TCF20: variants seen among roughly 807,000 people sequenced by gnomAD.
TCF20 encodes the protein SPRE-binding protein.
Under a neutral mutation model 148.6 loss-of-function variants are expected in TCF20, and 3 were observed. The observed-to-expected ratio is 0.02, with a 90% CI of 0.01 to 0.05. The LOEUF (loss-of-function observed/expected upper bound fraction) is 0.05, where lower values mean the gene tolerates loss of function less well. TCF20 is among the 10% of genes least tolerant of loss of function. The probability of loss-of-function intolerance (pLI) is 1.00; values close to 1 mark genes in which losing one functional copy is unlikely to be tolerated. For synonymous variants in TCF20, 1,049 were observed against 909.5 expected, an observed-to-expected ratio of 1.15 and a Z score of -2.76; for missense variants, 2,350 against 2,429.3, an observed-to-expected ratio of 0.97 and a Z score of 0.69.
intron 2 of TCF20, among the ~76,000 whole-genome samples, chr22:42,201,091 C>T (rs1301899430): frequency 2.0e-5 from 3 of 152,156 alleles, no homozygotes; most frequent in Non-Finnish European, 4.4e-5. Flanking sequence ...GTGTGCAACA[C>T]CTCGCACCTC....
At chr22:42,267,762 T>C (rs558061904) in intron 1 of TCF20, among the ~76,000 whole-genome samples, 1 of 152,180 alleles carries the variant, frequency 6.6e-6, no homozygotes, top group South Asian at 2.1e-4. Context: ...ACAAGAAAAT[T>C]ACTACCAAAC....
chr22:42,320,965 C>T (rs1927721526), intron 1 of TCF20, among the ~76,000 whole-genome samples: 1 of 152,196 alleles, frequency 6.6e-6, no homozygotes, highest in Non-Finnish European at 1.5e-5. Flanking sequence ...ACTCCACCAC[C>T]GCCCAGTAAT....
chr22:42,224,456 ACT>A (rs1044404369), intron 1 of TCF20, among the ~76,000 whole-genome samples: 5 of 146,794 alleles, frequency 3.4e-5, no homozygotes, highest in Non-Finnish European at 7.4e-5. Context: ...AACAAGCGAG[ACT>A]CTGTCTCAAA....
intron 1 of TCF20, among the ~76,000 whole-genome samples, chr22:42,219,626 C>A (rs1480443110): frequency 2.0e-5 from 3 of 151,786 alleles, no homozygotes; most frequent in African/African-American, 7.3e-5. Flanking sequence ...GAGGTCAAGG[C>A]GGGCAGATCA....
intron 2 of TCF20, among the ~76,000 whole-genome samples, chr22:42,201,054 G>T (rs776573126): frequency 6.6e-6 from 1 of 152,200 alleles, no homozygotes; most frequent in Non-Finnish European, 1.5e-5. Context: ...GTGATACTGA[G>T]TTCTCACAAG....
At chr22:42,187,567 C>T (rs908459893) in intron 2 of TCF20, among the ~76,000 whole-genome samples, 5 of 152,114 alleles carry the variant, frequency 3.3e-5, no homozygotes, top group African/African-American at 4.8e-5. Context: ...GCCGTTTTGG[C>T]GGCATCTAAC....
At chr22:42,225,923 T>C (rs1983483385) in intron 1 of TCF20, among the ~76,000 whole-genome samples, 1 of 152,170 alleles carries the variant, frequency 6.6e-6, no homozygotes, top group South Asian at 2.1e-4. Context: ...GTCAGCTGAA[T>C]TCCAACCCAC....
At chr22:42,288,715 C>CAAAAAAAAAAA (rs60058670), upstream of TCF20, among the ~76,000 whole-genome samples, 12 of 85,304 alleles carry the variant, frequency 1.4e-4, no homozygotes, top group African/African-American at 6.0e-4. Flanking sequence ...GACCCTGTAT[C>CAAAAAAAAAAA]AAAAAAAAAA....
At position 42,306,090 on chromosome 22, in the gene TCF20, C is replaced by T. The variant is rs140960454; in HGVS notation, c.-37+37389G>A. On this transcript the variant is annotated intron_variant, in intron 1 of 1. Transcript: ENST00000515426. Reference sequence around the variant, plus strand: ...ACCTCCTGCCTCTGCGAGGGGGCACCGCAGGCAGCGTGGACTGAGTGGCTG... The same window carrying T: ...ACCTCCTGCCTCTGCGAGGGGGCACTGCAGGCAGCGTGGACTGAGTGGCTG... 8.4e-3 allele frequency among the ~76,000 whole-genome samples: 1,283 copies of T among 152,350 alleles called. 10 individuals carry two copies. Among genetic ancestry groups the T allele is most frequent in the Middle Eastern group, 0.02 (6 of 294 alleles).
chr22:42,268,259 A>G (rs1926401572), intron 1 of TCF20, among the ~76,000 whole-genome samples: 1 of 152,254 alleles, frequency 6.6e-6, no homozygotes, highest in South Asian at 2.1e-4. Flanking sequence ...CCGGCCCAGC[A>G]GCACAGTTCT....
chr22:42,306,557 G>T lies in TCF20; in HGVS notation c.-37+36922C>A, dbSNP rs113315337. Among the ~76,000 whole-genome samples the T allele has an allele frequency of 2.0e-3, 301 of 152,336 alleles. 1 individual carries two copies. Among genetic ancestry groups the T allele is most frequent in the African/African-American group, 6.8e-3 (281 of 41,584 alleles). On this transcript the variant is annotated intron_variant, in intron 1 of 1. Coordinates refer to the TCF20 transcript ENST00000515426. ...GCCCGTGGAACCCATGGCTCACAGG[G>T]CATCCATGGGCCCACCTCCTCCAGG... is the stretch of plus-strand genomic sequence containing the variant.
intron 1 of TCF20, among the ~76,000 whole-genome samples, chr22:42,277,564 G>A (rs746366454): frequency 6.6e-6 from 1 of 152,222 alleles, no homozygotes; most frequent in Non-Finnish European, 1.5e-5. Flanking sequence ...CCTGCGGTAG[G>A]AGGGAACAAG....
chr22:42,204,681 T>C (rs906002215), intron 2 of TCF20, among the ~76,000 whole-genome samples: 2 of 150,518 alleles, frequency 1.3e-5, no homozygotes, highest in African/African-American at 4.9e-5. Flanking sequence ...CCTGTCTCTA[T>C]TAAAAATACA....
At chr22:42,324,013 A>ATGG (rs201809460) in intron 1 of TCF20, among the ~76,000 whole-genome samples, 127 of 1,272 alleles carry the variant, frequency 0.1, 6 homozygotes, top group South Asian at 0.17. Flanking sequence ...GGCGGAGGTT[A>ATGG]TGGTGGTGGT....
At position 42,213,564 on chromosome 22, in the gene TCF20, G is replaced by T. The variant is rs775915406; in HGVS notation, c.1742C>A (p.Ala581Asp). ...LNASPAAREE[A>D]TSPGAKDMPL... The stretch of plus-strand genomic sequence containing the variant: ...CATGTCCTTAGCGCCTGGTGAGGTG[G>T]CCTCTTCTCTTGCGGCAGGACTAGC... The change falls in exon 2 of 6, where the codon GCC (alanine) becomes GAC (aspartate). Residue 581 changes from alanine (A) to aspartate (D), a missense_variant. Around this residue, in one of 7 missense-constraint regions of TCF20, gnomAD observed 1,641 missense variants for 1,662.6 expected, o/e 0.99. Transcript: ENST00000677622. 2.5e-6 allele frequency: 4 copies of T among 1,614,054 alleles called. 1 individual carries two copies. The highest frequency in any genetic ancestry group is 4.5e-5 in the East Asian group (2 of 44,894).
intron 1 of TCF20, among the ~76,000 whole-genome samples, chr22:42,236,193 CAA>C (rs1923868626): frequency 6.6e-6 from 1 of 151,486 alleles, no homozygotes; most frequent in African/African-American, 2.4e-5. Flanking sequence ...CAAACAAAAA[CAA>C]AAACAAAAAA....
At chr22:42,199,120 G>A (rs577868607) in intron 2 of TCF20, among the ~76,000 whole-genome samples, 2 of 152,044 alleles carry the variant, frequency 1.3e-5, no homozygotes, top group African/African-American at 4.8e-5. Flanking sequence ...TCAGGATTGC[G>A]GCATTCTTCT....
rs770571748 is a variant in TCF20 at position 42,216,818 on chromosome 22, C to T, written c.-36-1477G>A. Among the ~76,000 whole-genome samples, 65 of 152,272 alleles carry T rather than the reference C, an allele frequency of 4.3e-4. 1 individual carries two copies. Among genetic ancestry groups the T allele is most frequent in the Admixed American group, 3.9e-4 (6 of 15,302 alleles). On this transcript the variant is annotated intron_variant, in intron 1 of 5. Coordinates refer to ENST00000677622, the MANE Select transcript of TCF20 (RefSeq NM_001378418.1). ...CTGACTGAGCCACCACTTTGTATTA[C>T]CTATTATAATCCCTCTTAATCAATC...
rs377269671 is a variant in TCF20 at position 42,231,017 on chromosome 22, C to A, written c.-36-15676G>T. On this transcript the variant is annotated intron_variant, in intron 1 of 5. Transcript: ENST00000677622. The stretch of plus-strand genomic sequence containing the variant: ...CTACTAAAAAAAACACAAAAATTAG[C>A]CAGGTGTAATGGCGTGTGCCTGTAG... 4.9e-4 allele frequency among the ~76,000 whole-genome samples: 75 copies of A among 151,842 alleles called. No homozygotes were observed. In the South Asian group the frequency reaches 0.013, roughly 26 times the overall value.
Sources: gnomAD v4.1 joint callset for allele counts (sites outside exome capture counted in the v4.1 genomes callset) on GRCh38, gnomAD v4.1.1 for gene constraint, gnomAD v4.1.1 regional missense constraint, MANE v1.5 for transcripts, NCBI Gene and HGNC (gene_info 2026-07-23, HGNC 2026-07-21) for gene names.